LARS2: variants seen among roughly 807,000 people sequenced by gnomAD.
The protein encoded by LARS2 is leucyl-tRNA synthetase 2, mitochondrial, also known as leucine--tRNA ligase, mitochondrial.
A neutral mutation model predicts 116.6 loss-of-function variants in LARS2; 81 were observed. The ratio of observed to expected loss-of-function variants is 0.69; its 90% CI spans 0.58 to 0.84. The LOEUF is 0.84. Among genes scored for constraint, LARS2 ranks in the 40% least tolerant of loss-of-function variants. LARS2 has a pLI of 0.00. For synonymous variants in LARS2, 396 were observed against 407.2 expected, an observed-to-expected ratio of 0.97 and a Z score of 0.33; for missense variants, 968 against 1,114.5, an observed-to-expected ratio of 0.87 and a Z score of 1.87.
At chr3:45,489,019 G>T (rs1055979060) in intron 12 of LARS2, among the ~76,000 whole-genome samples, 1 of 152,206 alleles carries the variant, frequency 6.6e-6, no homozygotes, top group African/African-American at 2.4e-5. Flanking sequence ...GAATAGAATG[G>T]TATCGAAGTA....
At chr3:45,465,309 A>G (rs1575272225) in intron 8 of LARS2, among the ~76,000 whole-genome samples, 1 of 151,548 alleles carries the variant, frequency 6.6e-6, no homozygotes, top group South Asian at 2.1e-4. Context: ...TCTAAACTGA[A>G]CTCTCTGCTT....
rs779962003 is a variant in LARS2, at chr3:45,517,938, C to T, written c.2080C>T (p.Arg694Ter). The T allele has an allele frequency of 1.6e-5, 26 of 1,613,764 alleles. No individual in the cohort carries two copies. Among genetic ancestry groups the T allele is most frequent in the Middle Eastern group, 1.6e-4 (1 of 6,082 alleles). The change falls in exon 18 of 22, where the codon CGA (arginine) becomes TGA (stop). Residue 694 changes from arginine (R) to a stop codon, truncating the protein, a stop_gained. Coordinates refer to ENST00000645846, the MANE Select transcript of LARS2 (RefSeq NM_015340.4). LOFTEE classifies it high-confidence loss of function. ...ALPGVLRWQQ[R>*]LWTLTTRFIE... is the part of the protein sequence containing the mutation. ...CCCTGGGGTGCTGAGATGGCAACAA[C>T]GACTGTGGACCTTGACAACTCGGTT...
At chr3:45,455,866 CAG>C (rs1255538008) in intron 7 of LARS2, among the ~76,000 whole-genome samples, 2 of 152,046 alleles carry the variant, frequency 1.3e-5, no homozygotes, top group African/African-American at 2.4e-5. Flanking sequence ...ATCTAGAAGA[CAG>C]TGTGCTAAAT....
At chr3:45,499,453 T>TA (rs1220302052) in intron 14 of LARS2, among the ~76,000 whole-genome samples, 23 of 142,870 alleles carry the variant, frequency 1.6e-4, no homozygotes, top group South Asian at 2.2e-4. Context: ...AAAAGAAAAT[T>TA]AAAAAAAAAA....
chr3:45,411,813 T>C (rs546776272), intron 4 of LARS2, among the ~76,000 whole-genome samples: 1 of 152,114 alleles, frequency 6.6e-6, no homozygotes, highest in Admixed American at 6.5e-5. Context: ...TAGTACCCAA[T>C]AGTTATTTTT....
At chr3:45,403,130 A>AAAAAAAAAAAAAAAAAAT (rs1456792064) in intron 4 of LARS2, among the ~76,000 whole-genome samples, 8 of 150,292 alleles carry the variant, frequency 5.3e-5, no homozygotes, top group African/African-American at 2.0e-4. Context: ...AAAAAAAAAA[A>AAAAAAAAAAAAAAAAAAT]AGAAAGATGT....
intron 6 of LARS2, among the ~76,000 whole-genome samples, chr3:45,437,202 C>G (rs1007902359): frequency 1.3e-5 from 2 of 152,116 alleles, no homozygotes; most frequent in Non-Finnish European, 2.9e-5. Flanking sequence ...GCTTTTAGCC[C>G]TAGATTTGAA....
chr3:45,456,296 A>G (rs1431988807), intron 7 of LARS2, among the ~76,000 whole-genome samples: 1 of 152,208 alleles, frequency 6.6e-6, no homozygotes, highest in Admixed American at 6.5e-5. Context: ...AAAAGAAATA[A>G]TTAAGACTGG....
intron 20 of LARS2, among the ~76,000 whole-genome samples, chr3:45,530,880 A>G (rs1201532421): frequency 1.3e-5 from 2 of 152,116 alleles, no homozygotes; most frequent in African/African-American, 4.8e-5. Flanking sequence ...TTCTCAGCAA[A>G]ACTCTGCATA....
intron 10 of LARS2, among the ~76,000 whole-genome samples, chr3:45,477,283 G>A (rs540453280): frequency 2.0e-5 from 3 of 152,236 alleles, no homozygotes; most frequent in African/African-American, 4.8e-5. Context: ...GGGGAAGCCC[G>A]TTGCTAGAGG....
Position 45,518,063 on chromosome 3 carries a change from C to A in LARS2, c.2205C>A (p.Val735=). ...ARKLWEYKNS[V]ISQVTTHFTE... The stretch of plus-strand genomic sequence containing the variant: ...AGCTCTGGGAGTACAAGAACTCCGT[C>A]ATCTCTCAGGTCAGAAACTCTCCAA... The change falls in exon 18 of 22, where the codon GTC becomes GTA. Residue 735 remains valine, a synonymous_variant. Coordinates refer to ENST00000645846, the MANE Select transcript of LARS2 (RefSeq NM_015340.4). 1 of 1,611,618 alleles carries A rather than the reference C, an allele frequency of 6.2e-7. No homozygotes were observed. Among genetic ancestry groups the A allele is most frequent in the South Asian group, 1.1e-5 (1 of 90,856 alleles).
rs36044906 is a variant in LARS2, at chr3:45,484,649, T to TATATATATATATATA, written c.1019-1043_1019-1042insATATATATATATATA. Among the ~76,000 whole-genome samples, 60 of 37,458 alleles carry TATATATATATATATA rather than the reference T, an allele frequency of 1.6e-3. 2 individuals carry two copies. The highest frequency in any genetic ancestry group is 2.9e-3 in the Non-Finnish European group (46 of 15,728). The allele number at this position is 37,458 out of a possible 152,430, so 24.6% of individuals were successfully genotyped here. A position where few individuals can be genotyped will look rare whatever the true frequency, so the allele number is the denominator to read the frequency against. ...AAAAAAAATATATATATATATATAT[T>TATATATATATATATA]TAAAATAAGATGTTATTTTAAATAA... On this transcript the variant is annotated intron_variant, in intron 10 of 21. Coordinates refer to ENST00000645846, the MANE Select transcript of LARS2 (RefSeq NM_015340.4).
At chr3:45,509,515 C>G (rs1322676900) in intron 15 of LARS2, 1 of 152,060 alleles carries the variant, frequency 6.6e-6, no homozygotes, top group Non-Finnish European at 1.5e-5. Flanking sequence ...TCTTGTAGTG[C>G]TGATGGTTAT....
chr3:45,390,618 G>T (rs1452137492), intron 1 of LARS2, among the ~76,000 whole-genome samples: 3 of 142,790 alleles, frequency 2.1e-5, no homozygotes, highest in African/African-American at 7.9e-5. Flanking sequence ...GGCCTTCTTT[G>T]CCCATTTTTA....
chr3:45,543,309 G>GATT (rs1700824317), intron 21 of LARS2, among the ~76,000 whole-genome samples: 2 of 151,698 alleles, frequency 1.3e-5, no homozygotes, highest in Non-Finnish European at 2.9e-5. Context: ...CTTTTTTTAT[G>GATT]ATTATTATTA....
intron 11 of LARS2, among the ~76,000 whole-genome samples, chr3:45,486,135 C>T (rs1699808375): frequency 6.6e-6 from 1 of 151,904 alleles, no homozygotes; most frequent in Admixed American, 6.6e-5. Context: ...AGAACCATCC[C>T]AGGTATACTA....
intron 9 of LARS2, among the ~76,000 whole-genome samples, chr3:45,475,021 C>T (rs1699588325): frequency 1.3e-5 from 2 of 152,194 alleles, no homozygotes; most frequent in Non-Finnish European, 2.9e-5. Context: ...TTCTTTGTCT[C>T]TACTGACTAG....
chr3:45,428,154 ATATGTGTTTGGGTTTT>A (rs2125692951), intron 6 of LARS2, among the ~76,000 whole-genome samples: 1 of 149,168 alleles, frequency 6.7e-6, no homozygotes, highest in Non-Finnish European at 1.5e-5. Flanking sequence ...TTACCACTAC[ATATGTGTTTGGGTTTT>A]TTGGTTCTTT....
At position 45,401,216 on chromosome 3, in the gene LARS2, A is replaced by G. The variant is rs373031792; in HGVS notation, c.363+843A>G. Among the ~76,000 whole-genome samples, 5 of 152,156 alleles carry G rather than the reference A, an allele frequency of 3.3e-5. No individual in the cohort carries two copies. The East Asian group carries it at 7.7e-4, about 23-fold the overall frequency. On this transcript the variant is annotated intron_variant, in intron 4 of 21. Coordinates refer to ENST00000645846, the MANE Select transcript of LARS2 (RefSeq NM_015340.4). ...GGGAAAGTGCCACTAAAGAAGGAAC[A>G]TCTGGTCTGGGCACCTGGCTCATGC...
Sources: gnomAD v4.1 joint callset for allele counts (sites outside exome capture counted in the v4.1 genomes callset) on GRCh38, gnomAD v4.1.1 for gene constraint, MANE v1.5 for transcripts, NCBI Gene and HGNC (gene_info 2026-07-23, HGNC 2026-07-21) for gene names.